The following NAALADL2 variants were observed in gnomAD, a reference collection of about 807,000 sequenced individuals.
NAALADL2 encodes inactive N-acetylated-alpha-linked acidic dipeptidase-like protein 2.
Under a neutral mutation model 87.2 loss-of-function variants are expected in NAALADL2, and 76 were observed. The observed-to-expected ratio is 0.87, with a 90% CI of 0.72 to 1.05. NAALADL2 has a LOEUF of 1.05. Among genes scored for constraint, NAALADL2 ranks in the 50% least tolerant of loss-of-function variants. The probability of loss-of-function intolerance (pLI) is 0.00; values close to 1 mark genes in which losing one functional copy is unlikely to be tolerated. For missense variants in NAALADL2, 1,089 were observed against 945.8 expected, an observed-to-expected ratio of 1.15 and a Z score of -1.99; for synonymous variants, 354 against 331.0, an observed-to-expected ratio of 1.07 and a Z score of -0.75.
Position 175,183,594 on chromosome 3 carries a change from G to GT in NAALADL2, c.546-50331dup, listed in dbSNP as rs148917253. Among the ~76,000 whole-genome samples the GT allele has an allele frequency of 8.3e-3, 1,258 of 152,042 alleles. 18 individuals are homozygous for GT. Among genetic ancestry groups the GT allele is most frequent in the African/African-American group, 0.028 (1,181 of 41,466 alleles). Reference sequence around the variant, plus strand: ...CTTTTTCTGCATTTAATGAGATCATGTTTTTTGTCTTGCATTTGTTAACAT... The same window carrying GT: ...CTTTTTCTGCATTTAATGAGATCATGTTTTTTTGTCTTGCATTTGTTAACAT... On this transcript the variant is annotated intron_variant, in intron 2 of 13. Transcript: ENST00000454872.
chr3:174,505,064 T>A (rs1719118741), intron 1 of NAALADL2, among the ~76,000 whole-genome samples: 1 of 152,172 alleles, frequency 6.6e-6, no homozygotes, highest in South Asian at 2.1e-4. Context: ...TAAAATATAC[T>A]GTAGATCATT....
chr3:174,669,847 T>C (rs1726356167), intron 2 of NAALADL2, among the ~76,000 whole-genome samples: 1 of 152,092 alleles, frequency 6.6e-6, no homozygotes, highest in African/African-American at 2.4e-5. Context: ...TATTTAACAA[T>C]ATAATGCCTT....
At chr3:174,864,137 A>G in intron 1 of NAALADL2, 1 of 450,130 alleles carries the variant, frequency 2.2e-6, no homozygotes, top group South Asian at 1.6e-5. Context: ...GCATGTGAAG[A>G]TGGACTGGGT....
intron 2 of NAALADL2, among the ~76,000 whole-genome samples, chr3:175,166,836 C>T (rs993956313): frequency 1.3e-5 from 2 of 152,088 alleles, no homozygotes; most frequent in African/African-American, 4.8e-5. Flanking sequence ...AAAAGGAACT[C>T]TTGAATTTCC....
At chr3:174,739,869 A>G (rs1163531602) in intron 3 of NAALADL2, among the ~76,000 whole-genome samples, 1 of 152,084 alleles carries the variant, frequency 6.6e-6, no homozygotes, top group African/African-American at 2.4e-5. Flanking sequence ...GCTCTTTTTA[A>G]ATAAACATTC....
intron 2 of NAALADL2, among the ~76,000 whole-genome samples, chr3:175,232,213 AGAG>A (rs1292023679): frequency 1.3e-5 from 2 of 151,134 alleles, no homozygotes; most frequent in African/African-American, 4.9e-5. Flanking sequence ...AAGAACAAGA[AGAG>A]AAGAAGAAGA....
chr3:174,454,349 C>T (rs186603242), intron 1 of NAALADL2, among the ~76,000 whole-genome samples: 67 of 152,042 alleles, frequency 4.4e-4, no homozygotes, highest in Non-Finnish European at 8.0e-4. Flanking sequence ...AGAAAATTAA[C>T]GATATTCAGG....
chr3:175,235,065 T>G (rs1022080786), intron 3 of NAALADL2: 2 of 4,774 alleles, frequency 4.2e-4, no homozygotes, highest in Non-Finnish European at 1.6e-3. Context: ...ACACTTAGTT[T>G]TTTTTTTTTT....
At chr3:175,096,578 C>G (rs1392540511) in intron 1 of NAALADL2, among the ~76,000 whole-genome samples, 1 of 149,294 alleles carries the variant, frequency 6.7e-6, no homozygotes, top group Admixed American at 6.7e-5. Context: ...GTACCTTCTA[C>G]TTTCATTTTT....
At chr3:175,556,640 C>CA (rs909565330) in intron 9 of NAALADL2, among the ~76,000 whole-genome samples, 100 of 151,056 alleles carry the variant, frequency 6.6e-4, no homozygotes, top group South Asian at 6.1e-3. Flanking sequence ...AAATATATAA[C>CA]AAAAAAAAAT....
chr3:174,658,414 C>T (rs541822021), intron 2 of NAALADL2, among the ~76,000 whole-genome samples: 2 of 152,216 alleles, frequency 1.3e-5, no homozygotes, highest in East Asian at 3.9e-4. Flanking sequence ...ATGTGTGTCT[C>T]TTCTTTGGTG....
intron 2 of NAALADL2, among the ~76,000 whole-genome samples, chr3:174,715,038 T>A (rs1220143831): frequency 6.6e-6 from 1 of 152,208 alleles, no homozygotes; most frequent in Non-Finnish European, 1.5e-5. Flanking sequence ...AGGCCTTTTC[T>A]GCATCTATTG....
At chr3:174,706,448 A>G (rs941894591) in intron 2 of NAALADL2, among the ~76,000 whole-genome samples, 8 of 152,230 alleles carry the variant, frequency 5.3e-5, no homozygotes, top group African/African-American at 1.9e-4. Flanking sequence ...AAGAAAGAAT[A>G]GATACATTGT....
At chr3:174,915,117 A>G (rs1734200604) in intron 1 of NAALADL2, among the ~76,000 whole-genome samples, 1 of 152,228 alleles carries the variant, frequency 6.6e-6, no homozygotes, top group African/African-American at 2.4e-5. Context: ...TACAACAGAA[A>G]GATTTTTAAA....
At chr3:175,173,640 C>T (rs531778243) in intron 2 of NAALADL2, among the ~76,000 whole-genome samples, 6 of 152,194 alleles carry the variant, frequency 3.9e-5, no homozygotes, top group Non-Finnish European at 8.8e-5. Context: ...CTACTGGTGT[C>T]CTACATTAGT....
intron 2 of NAALADL2, among the ~76,000 whole-genome samples, chr3:175,141,790 A>T (rs1482683473): frequency 1.3e-5 from 2 of 152,056 alleles, no homozygotes; most frequent in Non-Finnish European, 2.9e-5. Context: ...TTAATGGCTT[A>T]ATGTGTTCTG....
intron 5 of NAALADL2, among the ~76,000 whole-genome samples, chr3:175,409,672 C>A (rs1387923628): frequency 6.6e-6 from 1 of 151,602 alleles, no homozygotes; most frequent in African/African-American, 2.4e-5. Context: ...CTTGTAAATT[C>A]ATTAATTTAG....
At chr3:174,803,742 C>A (rs139945160) in intron 3 of NAALADL2, among the ~76,000 whole-genome samples, 7,473 of 152,186 alleles carry the variant, frequency 0.049, 234 homozygotes, top group Non-Finnish European at 0.076. Flanking sequence ...TTTCCCATTG[C>A]TTGTTTTTGT....
chr3:175,264,976 A>G (rs1485816630), intron 4 of NAALADL2, among the ~76,000 whole-genome samples: 1 of 151,694 alleles, frequency 6.6e-6, no homozygotes, highest in African/African-American at 2.4e-5. Context: ...TGTGAAAAAT[A>G]ATTGAAATAA....
Sources: gnomAD v4.1 joint callset for allele counts (sites outside exome capture counted in the v4.1 genomes callset) on GRCh38, gnomAD v4.1.1 for gene constraint, MANE v1.5 for transcripts, NCBI Gene and HGNC (gene_info 2026-07-23, HGNC 2026-07-21) for gene names.